Variants in PDE3B observed in about 807,000 individuals in gnomAD.
PDE3B encodes phosphodiesterase 3B.
In PDE3B, 66 loss-of-function variants were observed where a neutral mutation model predicts 116.8. That is an observed-to-expected ratio of 0.56 (90% CI 0.46 to 0.69). The LOEUF is 0.69. Ranked by LOEUF, PDE3B falls within the 30% of genes least tolerant of loss-of-function variation. The pLI, the probability that PDE3B is intolerant of heterozygous loss-of-function variation, is 0.00. For missense variants in PDE3B, 1,384 were observed against 1,368.1 expected (o/e 1.01, Z -0.18); for synonymous variants, 595 against 533.6 (o/e 1.12, Z -1.59).
At chr11:14,880,667 T>C in the PDE3B span, 11 of 1,597,630 alleles carry the variant, frequency 6.9e-6, no homozygotes, top group Non-Finnish European at 9.4e-6. Flanking sequence ...TCCAAGATTT[T>C]AGATTCAAAA....
intron 1 of PDE3B, among the ~76,000 whole-genome samples, chr11:14,696,171 T>C (rs1467547310): frequency 6.6e-6 from 1 of 152,194 alleles, no homozygotes; most frequent in East Asian, 1.9e-4. Context: ...CCAGCATTTG[T>C]TGTTTCTTGA....
At chr11:14,758,746 G>A (rs1857268302) in intron 1 of PDE3B, among the ~76,000 whole-genome samples, 1 of 151,612 alleles carries the variant, frequency 6.6e-6, no homozygotes, top group South Asian at 2.1e-4. Flanking sequence ...CATGTCGTCT[G>A]CAAACAGGGA....
intron 7 of PDE3B, among the ~76,000 whole-genome samples, chr11:14,825,746 A>G (rs1279607469): frequency 6.6e-6 from 1 of 152,226 alleles, no homozygotes; most frequent in African/African-American, 2.4e-5. Flanking sequence ...ATTAACAAAG[A>G]TATTCAGGAC....
the PDE3B span, chr11:14,880,869 C>T: frequency 9.0e-7 from 1 of 1,106,758 alleles, no homozygotes; most frequent in East Asian, 2.6e-5. Context: ...CATCCTTCTC[C>T]AAATTGTCCT....
At chr11:14,789,018 T>C (rs1247152869) in intron 3 of PDE3B, 88 bp from the exon 4 acceptor site, 1 of 881,692 alleles carries the variant, frequency 1.1e-6, no homozygotes, top group Non-Finnish European at 1.7e-6. Flanking sequence ...ATATACTTTG[T>C]ATTGATACTT....
At chr11:14,738,172 T>G (rs533713193) in intron 1 of PDE3B, among the ~76,000 whole-genome samples, 2 of 152,298 alleles carry the variant, frequency 1.3e-5, no homozygotes, top group African/African-American at 4.8e-5. Context: ...TTTCTAGTTC[T>G]AGATCCCTGA....
At chr11:14,727,907 TA>T (rs1856355865) in intron 1 of PDE3B, among the ~76,000 whole-genome samples, 2 of 152,258 alleles carry the variant, frequency 1.3e-5, no homozygotes, top group East Asian at 3.9e-4. Flanking sequence ...ATAGCAGGTT[TA>T]CACTTAAATA....
intron 2 of PDE3B, among the ~76,000 whole-genome samples, chr11:14,783,583 G>A (rs1298487440): frequency 1.3e-5 from 2 of 152,062 alleles, no homozygotes; most frequent in Non-Finnish European, 2.9e-5. Context: ...CACAGGAAGG[G>A]GAACATCACA....
chr11:14,859,385 G>A, intron 13 of PDE3B, 139 bp downstream of exon 13: 1 of 499,604 alleles, frequency 2.0e-6, no homozygotes, highest in Non-Finnish European at 3.4e-6. Context: ...TAATATATAT[G>A]CCTATATTTT....
At chr11:14,756,307 G>C (rs898152417) in intron 1 of PDE3B, among the ~76,000 whole-genome samples, 11 of 152,184 alleles carry the variant, frequency 7.2e-5, no homozygotes, top group African/African-American at 2.4e-4. Context: ...CAATGGACTA[G>C]TTGAGGGTCA....
At chr11:14,798,773 G>A (rs574972330) in intron 4 of PDE3B, among the ~76,000 whole-genome samples, 1 of 152,088 alleles carries the variant, frequency 6.6e-6, no homozygotes, top group Non-Finnish European at 1.5e-5. Context: ...GGGATCAGTG[G>A]TGATATCCCC....
At chr11:14,826,104 G>A (rs1859678589) in intron 7 of PDE3B, among the ~76,000 whole-genome samples, 1 of 152,030 alleles carries the variant, frequency 6.6e-6, no homozygotes, top group African/African-American at 2.4e-5. Context: ...AAAATCTCTG[G>A]GACACAGCCA....
chr11:14,646,930 A>G (rs530403940), intron 1 of PDE3B, among the ~76,000 whole-genome samples: 4 of 152,240 alleles, frequency 2.6e-5, no homozygotes, highest in African/African-American at 9.6e-5. Context: ...GCACACTTAA[A>G]GTATATGTGA....
At chr11:14,721,871 C>A (rs1856106848) in intron 1 of PDE3B, among the ~76,000 whole-genome samples, 1 of 129,994 alleles carries the variant, frequency 7.7e-6, no homozygotes, top group African/African-American at 3.0e-5. Context: ...CACATGTATA[C>A]ATATGTAACT....
rs1247235011 is a variant in PDE3B at position 14,856,853 on chromosome 11, CAA to C, written c.2521-2175_2521-2174del. ...TGGGCAACAGAACGAGAGTCCATCT[CAA>C]AAAAAAAAAAAAAAGTGCCTTCTTA... is the stretch of plus-strand genomic sequence containing the variant. On this transcript the variant is annotated intron_variant, in intron 12 of 15. Transcript: ENST00000282096. Among the ~76,000 whole-genome samples the C allele has an allele frequency of 6.5e-3, 592 of 91,648 alleles. 4 individuals carry two copies. The highest frequency in any genetic ancestry group is 0.021 in the African/African-American group (563 of 26,710). The allele number at this position is 91,648 out of a possible 152,430, so 60.1% of individuals were successfully genotyped here.
At chr11:14,835,928 GAC>G (rs1482232032) in intron 11 of PDE3B, among the ~76,000 whole-genome samples, 4 of 152,202 alleles carry the variant, frequency 2.6e-5, no homozygotes, top group East Asian at 1.9e-4. Flanking sequence ...TCATTGCACT[GAC>G]ATATATCAAG....
At chr11:14,844,093 T>A in intron 12 of PDE3B, 67 bp downstream of exon 12, 1 of 1,141,148 alleles carries the variant, frequency 8.8e-7, no homozygotes, top group Non-Finnish European at 1.3e-6. Context: ...GTGTATCCCT[T>A]TATAAATCAT....
intron 1 of PDE3B, among the ~76,000 whole-genome samples, chr11:14,667,693 T>C (rs1854217087): frequency 1.3e-5 from 2 of 149,898 alleles, no homozygotes; most frequent in Admixed American, 1.3e-4. Flanking sequence ...TGTTGTGGGG[T>C]TGGGGGAGGG....
intron 4 of PDE3B, among the ~76,000 whole-genome samples, chr11:14,801,199 G>A (rs559412320): frequency 1.3e-5 from 2 of 152,148 alleles, no homozygotes; most frequent in Non-Finnish European, 2.9e-5. Flanking sequence ...TCCCCTGCTG[G>A]TGAGGAGTTG....
Sources: gnomAD v4.1 joint callset for allele counts (sites outside exome capture counted in the v4.1 genomes callset) on GRCh38, gnomAD v4.1.1 for gene constraint, MANE v1.5 for transcripts, NCBI Gene and HGNC (gene_info 2026-07-23, HGNC 2026-07-21) for gene names.